Variants in LBP observed in about 807,000 individuals in gnomAD.
The protein encoded by LBP is lipopolysaccharide-binding protein.
LBP carries 53 observed loss-of-function variants against 56.6 expected under a neutral mutation model. That is an observed-to-expected ratio of 0.94 (90% CI 0.75 to 1.18). LBP has a LOEUF of 1.18. Among genes scored for constraint, LBP ranks in the 50% most tolerant of loss-of-function variants. LBP has a pLI of 0.00. For missense variants in LBP, 601 were observed against 598.3 expected, an observed-to-expected ratio of 1.00 and a Z score of -0.05; for synonymous variants, 227 against 247.5, an observed-to-expected ratio of 0.92 and a Z score of 0.78.
chr20:38,353,246 G>A (rs1192659718), intron 3 of LBP, among the ~76,000 whole-genome samples: 1 of 151,950 alleles, frequency 6.6e-6, no homozygotes, highest in African/African-American at 2.4e-5. Flanking sequence ...ACAATTTTGT[G>A]CCATGTCCAC....
intron 6 of LBP, among the ~76,000 whole-genome samples, chr20:38,361,430 G>T (rs1423440229): frequency 6.6e-6 from 1 of 151,548 alleles, no homozygotes; most frequent in African/African-American, 2.4e-5. Flanking sequence ...TTTGAGATGG[G>T]GTCTCACTCT....
intron 14 of LBP, 96 bp from the exon 15 acceptor site, chr20:38,376,527 TTG>T (rs1024772447): frequency 6.4e-6 from 7 of 1,089,762 alleles, no homozygotes; most frequent in East Asian, 4.7e-5. Context: ...CTGGCAGAGC[TTG>T]TGTTTCGTGA....
chr20:38,350,840 ACT>A lies in LBP; in HGVS notation c.272_273del (p.Ser91CysfsTer39). 6.2e-7 allele frequency: 1 copy of A among 1,612,826 alleles called. No individual in the cohort carries two copies. Among genetic ancestry groups the A allele is most frequent in the Non-Finnish European group, 8.5e-7 (1 of 1,179,194 alleles). On this transcript the variant is annotated frameshift_variant, in exon 3 of 15. Transcript: ENST00000217407. LOFTEE classifies it high-confidence loss of function. ...AACATCCACAGCTGTGAGCTGCTTCACTCTGCGCTGAGGCCTGTCCCTGGCCA... is the reference window on the plus strand; with the variant it reads ...AACATCCACAGCTGTGAGCTGCTTCACTGCGCTGAGGCCTGTCCCTGGCCA...
chr20:38,355,524 C>T lies in LBP; in HGVS notation c.588+115C>T, dbSNP rs2076835804. 3.2e-6 allele frequency: 3 copies of T among 923,332 alleles called. No homozygotes were observed. The Admixed American group carries it at 6.1e-5, about 19-fold the overall frequency. The allele number at this position is 923,332 out of a possible 1,614,324, so 57.2% of individuals were successfully genotyped here. Reference sequence around the variant, plus strand: ...GGGGCTGGTTTAGACGTACTTGGGCCCAAAGCCCAGGGAGGACAAATCATT... The same window carrying T: ...GGGGCTGGTTTAGACGTACTTGGGCTCAAAGCCCAGGGAGGACAAATCATT... On this transcript the variant is annotated intron_variant, in intron 5 of 14. Coordinates refer to ENST00000217407, the MANE Select transcript of LBP (RefSeq NM_004139.5).
At chr20:38,364,137 TCCC>T in intron 7 of LBP, 71 bp downstream of exon 7, 1 of 1,009,734 alleles carries the variant, frequency 9.9e-7, no homozygotes, top group South Asian at 1.3e-5. Flanking sequence ...GGGCCACCTG[TCCC>T]CCCAACTTCA....
rs1222012942 is a variant in LBP, at chr20:38,376,616, T to G, written c.1402-9T>G. On this transcript the variant is annotated splice_polypyrimidine_tract_variant and intron_variant, in intron 14 of 14. Transcript: ENST00000217407. ...TCTTTACCATCCTGTCCTGTCCTGT[T>G]TTTCCTAGGACTTCCTGTTCTTGGG... The G allele has an allele frequency of 1.2e-6, 2 of 1,613,364 alleles. No individual in the cohort carries two copies. Among genetic ancestry groups the G allele is most frequent in the Non-Finnish European group, 1.7e-6 (2 of 1,179,386 alleles).
rs762169077 is a variant in LBP at position 38,364,775 on chromosome 20, C to A, written c.921+23C>A. 3 of 1,587,244 alleles carry A rather than the reference C, an allele frequency of 1.9e-6. No individual in the cohort carries two copies. In the South Asian group the frequency reaches 3.5e-5, roughly 19 times the overall value. On this transcript the variant is annotated intron_variant, in intron 8 of 14. Transcript: ENST00000217407. The stretch of plus-strand genomic sequence containing the variant: ...ATGGTGAGGATGGTGGCAAACAGGT[C>A]TCTCAAATGAACACATAACCTACCG...
chr20:38,359,831 C>T (rs1199958901), intron 5 of LBP, among the ~76,000 whole-genome samples: 1 of 152,154 alleles, frequency 6.6e-6, no homozygotes, highest in East Asian at 1.9e-4. Context: ...TCTTGAGAAG[C>T]AGGCCGCACA....
Position 38,369,090 on chromosome 20 carries a change from C to T in LBP, c.1077C>T (p.Asp359=). 1 of 1,614,168 alleles carries T rather than the reference C, an allele frequency of 6.2e-7. No homozygotes were observed. Among genetic ancestry groups the T allele is most frequent in the Non-Finnish European group, 8.5e-7 (1 of 1,180,020 alleles). Residue 359 remains aspartate (D), a synonymous_variant, in exon 10 of 15, where the codon GAC becomes GAT. Coordinates refer to ENST00000217407, the MANE Select transcript of LBP (RefSeq NM_004139.5). ...TCAGCCCTGGGAATCTGTCTGTGGA[C>T]CCCTATATGGAGATAGATGCCTTTG... ...LNFSPGNLSV[D]PYMEIDAFVL... is the part of the protein sequence containing the mutation.
At chr20:38,369,882 C>CT (rs2076895326) in intron 10 of LBP, among the ~76,000 whole-genome samples, 1 of 152,084 alleles carries the variant, frequency 6.6e-6, no homozygotes, top group South Asian at 2.1e-4. Flanking sequence ...TTGATGGACT[C>CT]TGTCTAATAG....
At chr20:38,356,318 C>A (rs1468867674) in intron 5 of LBP, among the ~76,000 whole-genome samples, 1 of 136,872 alleles carries the variant, frequency 7.3e-6, no homozygotes, top group Non-Finnish European at 1.6e-5. Flanking sequence ...CAAAACACAC[C>A]ACCCACAGAC....
rs2076893387 is a variant in LBP, at chr20:38,369,280, T to C, written c.1149+118T>C. 15 of 1,023,468 alleles carry C rather than the reference T, an allele frequency of 1.5e-5. 1 individual carries two copies. In the East Asian group the frequency reaches 3.9e-4, roughly 26 times the overall value. 63.4% of individuals were successfully genotyped at this position (1,023,468 alleles called of 1,614,324 possible). A position where few individuals can be genotyped will look rare whatever the true frequency, so the allele number is the denominator to read the frequency against. ...TAATTCCTCCAGGTCTCAACTTAAA[T>C]ATTACTTCCCGAGAGAGGGCTTTCT... is the stretch of plus-strand genomic sequence containing the variant. On this transcript the variant is annotated intron_variant, in intron 10 of 14. Transcript: ENST00000217407.
chr20:38,375,491 G>A (rs1319016870), intron 14 of LBP, among the ~76,000 whole-genome samples: 1 of 151,970 alleles, frequency 6.6e-6, no homozygotes, highest in African/African-American at 2.4e-5. Flanking sequence ...TGAGGCAGGA[G>A]AATGGCTTGA....
chr20:38,366,334 A>G (rs2076881770), intron 8 of LBP, among the ~76,000 whole-genome samples: 1 of 152,210 alleles, frequency 6.6e-6, no homozygotes, highest in African/African-American at 2.4e-5. Context: ...GATAATAGCT[A>G]CGTTTTATGG....
chr20:38,365,890 C>A (rs6025195), intron 8 of LBP, among the ~76,000 whole-genome samples: 1 of 151,814 alleles, frequency 6.6e-6, no homozygotes, highest in Non-Finnish European at 1.5e-5. Context: ...TCAAACCTGT[C>A]GGGGAGCTTC....
At chr20:38,349,758 G>A in intron 2 of LBP, 96 bp downstream of exon 2, 1 of 884,006 alleles carries the variant, frequency 1.1e-6, no homozygotes. Context: ...GGATTGGGCT[G>A]TGGGGGGACC....
At chr20:38,360,508 G>C (rs1019074489) in intron 5 of LBP, among the ~76,000 whole-genome samples, 196 bp from the exon 6 acceptor site, 1 of 152,168 alleles carries the variant, frequency 6.6e-6, no homozygotes, top group African/African-American at 2.4e-5. Context: ...CTGGACCCTA[G>C]TGGAGTCCAC....
At chr20:38,370,832 G>A (rs761999857) in intron 11 of LBP, 27 bp downstream of exon 11, 47 of 1,583,984 alleles carry the variant, frequency 3.0e-5, no homozygotes, top group Non-Finnish European at 3.9e-5. Flanking sequence ...CCTACATGGG[G>A]GTGCCCAGCT....
Position 38,357,493 on chromosome 20 carries a change from G to A in LBP, c.588+2084G>A, listed in dbSNP as rs148853836. 1.8e-3 allele frequency among the ~76,000 whole-genome samples: 272 copies of A among 152,310 alleles called. 2 individuals carry two copies. Among genetic ancestry groups the A allele is most frequent in the African/African-American group, 6.1e-3 (255 of 41,564 alleles). On this transcript the variant is annotated intron_variant, in intron 5 of 14. Transcript: ENST00000217407. ...GCTAAGGAGAAGAATAAGCACTCAC[G>A]AATGCTTGCTCTCTGGGCGATATAT...
Sources: allele counts gnomAD v4.1 joint callset (sites outside exome capture counted in the v4.1 genomes callset), GRCh38; gene constraint gnomAD v4.1.1; transcripts MANE v1.5; gene names NCBI Gene and HGNC (gene_info 2026-07-23, HGNC 2026-07-21).